CTNNA3: variants seen among roughly 807,000 people sequenced by gnomAD.
CTNNA3 encodes the protein catenin alpha 3.
Under a neutral mutation model 95.7 loss-of-function variants are expected in CTNNA3, and 76 were observed. The observed-to-expected ratio is 0.79, with a 90% confidence interval of 0.66 to 0.96. CTNNA3 has a LOEUF of 0.96. Ranked by LOEUF, CTNNA3 falls within the 40% of genes least tolerant of loss-of-function variation. The pLI is 0.00. For missense variants in CTNNA3, 1,191 were observed against 1,089.8 expected (o/e 1.09, Z -1.31); for synonymous variants, 431 against 374.4 (o/e 1.15, Z -1.74).
chr10:67,124,838 A>G (rs1859639859), intron 7 of CTNNA3, among the ~76,000 whole-genome samples: 1 of 152,234 alleles, frequency 6.6e-6, no homozygotes, highest in African/African-American at 2.4e-5. Flanking sequence ...TTTTCACAGT[A>G]TTGTTATTCT....
chr10:67,643,933 T>C (rs1027906135), intron 2 of CTNNA3, among the ~76,000 whole-genome samples: 1 of 152,196 alleles, frequency 6.6e-6, no homozygotes, highest in African/African-American at 2.4e-5. Context: ...CAGTCTATCA[T>C]TGATGGGCAT....
At chr10:67,559,331 C>T (rs1041994646) in intron 3 of CTNNA3, among the ~76,000 whole-genome samples, 9 of 152,174 alleles carry the variant, frequency 5.9e-5, no homozygotes, top group South Asian at 2.1e-4. Flanking sequence ...TCACGGTTCA[C>T]GAAAATACGC....
intron 7 of CTNNA3, among the ~76,000 whole-genome samples, chr10:66,918,802 G>C (rs1240096011): frequency 6.6e-6 from 1 of 152,198 alleles, no homozygotes; most frequent in Non-Finnish European, 1.5e-5. Flanking sequence ...AAATGTGCAT[G>C]TGTGTAGATA....
chr10:67,313,995 G>C (rs1023109999), intron 5 of CTNNA3, among the ~76,000 whole-genome samples: 20 of 152,168 alleles, frequency 1.3e-4, no homozygotes, highest in Non-Finnish European at 1.5e-5. Flanking sequence ...AAAGCCTAGA[G>C]AGAGTGCATA....
At position 67,284,938 on chromosome 10, in the gene CTNNA3, A is replaced by G. The variant is rs760813150; in HGVS notation, c.580-65068T>C. The stretch of plus-strand genomic sequence containing the variant: ...GACATAAGACTTCAGTCATCCCCTC[A>G]CCCCCTGGGGGTGGCACCTATGCCC... On this transcript the variant is annotated intron_variant, in intron 5 of 17. Transcript: ENST00000433211. Among the ~76,000 whole-genome samples, 4 of 152,000 alleles carry G rather than the reference A, an allele frequency of 2.6e-5. No homozygotes were observed. The South Asian group carries it at 6.2e-4, about 24-fold the overall frequency.
intron 7 of CTNNA3, among the ~76,000 whole-genome samples, chr10:66,992,829 C>T (rs910528536): frequency 2.0e-5 from 3 of 151,978 alleles, no homozygotes; most frequent in Non-Finnish European, 2.9e-5. Flanking sequence ...AATTTTAATG[C>T]CTTTTTAGTG....
intron 7 of CTNNA3, among the ~76,000 whole-genome samples, chr10:66,825,815 T>C (rs1383862499): frequency 6.6e-6 from 1 of 152,092 alleles, no homozygotes; most frequent in Admixed American, 6.5e-5. Flanking sequence ...TGTCATCCCT[T>C]ACCCCAAAGC....
At chr10:67,623,400 T>C (rs556420638) in intron 2 of CTNNA3, among the ~76,000 whole-genome samples, 1 of 152,248 alleles carries the variant, frequency 6.6e-6, no homozygotes, top group Admixed American at 6.5e-5. Flanking sequence ...ATATATATGA[T>C]TGCTTGCTGC....
At chr10:67,304,130 G>T (rs1355318195) in intron 5 of CTNNA3, among the ~76,000 whole-genome samples, 1 of 152,042 alleles carries the variant, frequency 6.6e-6, no homozygotes, top group African/African-American at 2.4e-5. Context: ...TGTGGAGTTG[G>T]GCAAAATTAA....
At chr10:67,081,142 A>G (rs2131880067) in intron 7 of CTNNA3, among the ~76,000 whole-genome samples, 1 of 152,328 alleles carries the variant, frequency 6.6e-6, no homozygotes, top group South Asian at 2.1e-4. Context: ...CAGAGCTTAT[A>G]CATTTTTGAG....
At chr10:66,933,928 A>G (rs1205657239) in intron 7 of CTNNA3, among the ~76,000 whole-genome samples, 1 of 152,158 alleles carries the variant, frequency 6.6e-6, no homozygotes, top group Non-Finnish European at 1.5e-5. Context: ...CCTATGGCAT[A>G]TCTAAAGATC....
chr10:67,707,689 G>T (rs558241757), intron 1 of CTNNA3, among the ~76,000 whole-genome samples: 5 of 152,238 alleles, frequency 3.3e-5, no homozygotes, highest in East Asian at 3.9e-4. Flanking sequence ...ATAATACAAG[G>T]TAAGCATCAA....
intron 7 of CTNNA3, among the ~76,000 whole-genome samples, chr10:66,963,694 TAGA>T (rs1019009291): frequency 7.9e-5 from 12 of 151,998 alleles, no homozygotes; most frequent in South Asian, 4.2e-4. Context: ...GGTTCCAAAA[TAGA>T]AGGAGACCAA....
intron 14 of CTNNA3, among the ~76,000 whole-genome samples, chr10:66,071,737 G>A (rs2080438326): frequency 6.6e-6 from 1 of 152,096 alleles, no homozygotes; most frequent in Non-Finnish European, 1.5e-5. Context: ...TTACCTGACA[G>A]GCTGTTTTGG....
intron 10 of CTNNA3, among the ~76,000 whole-genome samples, chr10:66,574,213 G>A (rs1034551714): frequency 4.6e-5 from 7 of 151,896 alleles, no homozygotes; most frequent in Non-Finnish European, 7.4e-5. Context: ...CTGATAATCC[G>A]GGGTGCAGTG....
At chr10:66,918,537 G>A (rs886968738) in intron 7 of CTNNA3, among the ~76,000 whole-genome samples, 3 of 152,124 alleles carry the variant, frequency 2.0e-5, no homozygotes, top group Non-Finnish European at 4.4e-5. Flanking sequence ...AACTGACTAT[G>A]TGCAAGTTAA....
chr10:67,586,849 T>TA (rs1564763447), intron 3 of CTNNA3, among the ~76,000 whole-genome samples: 4 of 152,130 alleles, frequency 2.6e-5, no homozygotes, highest in South Asian at 2.1e-4. Context: ...TTCTAGTTTT[T>TA]AAAAAAATTC....
chr10:66,020,306 G>A (rs1465051848), intron 15 of CTNNA3, among the ~76,000 whole-genome samples: 7 of 152,174 alleles, frequency 4.6e-5, no homozygotes, highest in African/African-American at 1.7e-4. Context: ...ATAGACAGGA[G>A]GGAGTGGCTG....
intron 1 of CTNNA3, among the ~76,000 whole-genome samples, chr10:67,649,925 C>T (rs566062503): frequency 7.0e-4 from 106 of 152,226 alleles, no homozygotes; most frequent in African/African-American, 2.5e-3. Flanking sequence ...CCACAACCTC[C>T]GCCTCCCAAG....
Sources: allele counts gnomAD v4.1 joint callset (sites outside exome capture counted in the v4.1 genomes callset), GRCh38; gene constraint gnomAD v4.1.1; transcripts MANE v1.5; gene names NCBI Gene and HGNC (gene_info 2026-07-23, HGNC 2026-07-21).